Variants in IGSF11 observed in about 807,000 individuals in gnomAD.
IGSF11 encodes immunoglobulin superfamily member 11.
Under a neutral mutation model 41.0 loss-of-function variants are expected in IGSF11, and 22 were observed. That is an observed-to-expected ratio of 0.54 (90% CI 0.38 to 0.77). The LOEUF is 0.77. IGSF11 is among the 30% of genes least tolerant of loss of function. The pLI is 0.00. For missense variants in IGSF11, 444 were observed against 530.8 expected (o/e 0.84, Z 1.61); for synonymous variants, 219 against 201.3 (o/e 1.09, Z -0.74).
intron 1 of IGSF11, among the ~76,000 whole-genome samples, chr3:119,027,627 T>G (rs529761351): frequency 5.6e-4 from 86 of 152,336 alleles, no homozygotes; most frequent in African/African-American, 1.9e-3. Flanking sequence ...ATTAATAGAT[T>G]CTTTTAAATT....
chr3:118,966,158 T>G (rs1391443627), intron 1 of IGSF11, among the ~76,000 whole-genome samples: 1 of 152,170 alleles, frequency 6.6e-6, no homozygotes, highest in African/African-American at 2.4e-5. Flanking sequence ...AGCATAACCC[T>G]GCACATAATA....
intron 1 of IGSF11, among the ~76,000 whole-genome samples, chr3:118,952,285 G>C (rs1242687895): frequency 6.6e-6 from 1 of 152,042 alleles, no homozygotes; most frequent in African/African-American, 2.4e-5. Flanking sequence ...GTGTGGCTGT[G>C]GTAATATGGC....
intron 1 of IGSF11, among the ~76,000 whole-genome samples, chr3:118,997,270 A>T (rs1243239243): frequency 2.0e-5 from 3 of 152,232 alleles, no homozygotes; most frequent in African/African-American, 7.2e-5. Flanking sequence ...TCTACGGTAA[A>T]CAGGACTAAG....
At position 118,961,186 on chromosome 3, in the gene IGSF11, G is replaced by A. The variant is rs1038060233; in HGVS notation, c.53-30911C>T. On this transcript the variant is annotated intron_variant, in intron 1 of 6. Transcript: ENST00000393775. ...TCATTGCTGTTGTCAGCTACAAAGTGACCCTCTTCCTGGGGCCAGTTCCTG... is the reference window on the plus strand; with the variant it reads ...TCATTGCTGTTGTCAGCTACAAAGTAACCCTCTTCCTGGGGCCAGTTCCTG... Among the ~76,000 whole-genome samples, 5 of 152,348 alleles carry A rather than the reference G, an allele frequency of 3.3e-5. 1 individual carries two copies. The highest frequency in any genetic ancestry group is 1.9e-4 in the East Asian group (1 of 5,190).
intron 1 of IGSF11, among the ~76,000 whole-genome samples, chr3:118,958,887 C>T (rs993942166): frequency 6.6e-6 from 1 of 152,048 alleles, no homozygotes; most frequent in African/African-American, 2.4e-5. Context: ...AGTTAGGAAC[C>T]GTGGAGAATA....
chr3:119,004,669 T>C (rs796873968), intron 1 of IGSF11, among the ~76,000 whole-genome samples: 11 of 148,790 alleles, frequency 7.4e-5, no homozygotes, highest in African/African-American at 2.0e-4. Context: ...TGTGTCTTTG[T>C]TCTCGTTGGT....
intron 1 of IGSF11, among the ~76,000 whole-genome samples, chr3:119,094,251 A>AAAAAAAAAAAAAAAAAAAG (rs2076812553): frequency 2.4e-5 from 3 of 125,966 alleles, no homozygotes; most frequent in African/African-American, 5.4e-5. Flanking sequence ...AAAAAAAAAA[A>AAAAAAAAAAAAAAAAAAAG]GTTGTTGTTC....
intron 1 of IGSF11, among the ~76,000 whole-genome samples, chr3:119,040,798 G>A (rs982647115): frequency 3.3e-5 from 5 of 152,130 alleles, no homozygotes; most frequent in Non-Finnish European, 7.4e-5. Flanking sequence ...AATCTGACAG[G>A]ATTGAAATTA....
At chr3:119,050,315 C>T (rs1941564829) in intron 1 of IGSF11, among the ~76,000 whole-genome samples, 1 of 152,064 alleles carries the variant, frequency 6.6e-6, no homozygotes, top group African/African-American at 2.4e-5. Flanking sequence ...AACAAACAAC[C>T]CCATCAAAAA....
chr3:119,121,099 T>A (rs1227230310), intron 1 of IGSF11, among the ~76,000 whole-genome samples: 1 of 151,982 alleles, frequency 6.6e-6, no homozygotes, highest in Non-Finnish European at 1.5e-5. Flanking sequence ...GAATCTGATA[T>A]CAGAGTTGTT....
intron 1 of IGSF11, among the ~76,000 whole-genome samples, chr3:119,063,690 T>C (rs1347348157): frequency 6.6e-6 from 1 of 152,268 alleles, no homozygotes; most frequent in Non-Finnish European, 1.5e-5. Flanking sequence ...CCTTTTTAAA[T>C]ATCTAGAGAC....
chr3:118,984,062 C>A (rs1260419346), intron 1 of IGSF11, among the ~76,000 whole-genome samples: 1 of 151,966 alleles, frequency 6.6e-6, no homozygotes, highest in Non-Finnish European at 1.5e-5. Context: ...TTCATTCAGC[C>A]CCCTACCCAG....
chr3:119,036,814 G>C (rs1309492004), upstream of IGSF11, among the ~76,000 whole-genome samples: 1 of 152,100 alleles, frequency 6.6e-6, no homozygotes, highest in African/African-American at 2.4e-5. Flanking sequence ...GGATACTTCT[G>C]CCTTGCCAGG....
intron 1 of IGSF11, among the ~76,000 whole-genome samples, chr3:119,064,303 G>T (rs1942149901): frequency 6.6e-6 from 1 of 152,110 alleles, no homozygotes; most frequent in Non-Finnish European, 1.5e-5. Flanking sequence ...GTTTAAAAAG[G>T]CTTTTTAAAA....
intron 1 of IGSF11, among the ~76,000 whole-genome samples, chr3:118,978,136 C>T (rs1273048064): frequency 1.3e-5 from 2 of 152,198 alleles, no homozygotes; most frequent in African/African-American, 2.4e-5. Context: ...TTGCTGCTTC[C>T]ACCTGAGCAC....
At chr3:119,048,816 A>C (rs1941486062) in intron 1 of IGSF11, among the ~76,000 whole-genome samples, 2 of 152,060 alleles carry the variant, frequency 1.3e-5, no homozygotes, top group Admixed American at 6.5e-5. Flanking sequence ...AGTGGGCTTC[A>C]TCCCTGGGAT....
intron 1 of IGSF11, among the ~76,000 whole-genome samples, chr3:119,051,275 A>G (rs1941615312): frequency 6.6e-6 from 1 of 152,128 alleles, no homozygotes; most frequent in South Asian, 2.1e-4. Context: ...AAGTGGTAGA[A>G]AAAGATATTC....
intron 1 of IGSF11, among the ~76,000 whole-genome samples, chr3:119,077,387 T>C (rs1576770183): frequency 6.6e-6 from 1 of 152,192 alleles, no homozygotes; most frequent in East Asian, 1.9e-4. Flanking sequence ...CTACACGTTG[T>C]GCACATGTAC....
chr3:119,066,507 A>G (rs935362873), intron 1 of IGSF11, among the ~76,000 whole-genome samples: 2 of 152,186 alleles, frequency 1.3e-5, no homozygotes, highest in African/African-American at 2.4e-5. Flanking sequence ...AGTATGATTC[A>G]TATAAAGTAG....
Sources: gnomAD v4.1 joint callset for allele counts (sites outside exome capture counted in the v4.1 genomes callset) on GRCh38, gnomAD v4.1.1 for gene constraint, MANE v1.5 for transcripts, NCBI Gene and HGNC (gene_info 2026-07-23, HGNC 2026-07-21) for gene names.